Variants in RNF152 observed in about 807,000 individuals in gnomAD.
RNF152 encodes E3 ubiquitin-protein ligase RNF152.
In RNF152, 11 loss-of-function variants were observed where a neutral mutation model predicts 12.7. That is an observed-to-expected ratio of 0.86 (90% confidence interval 0.54 to 1.43). The LOEUF (loss-of-function observed/expected upper bound fraction) is 1.43, where lower values mean the gene tolerates loss of function less well. RNF152 is among the 40% of genes most tolerant of loss of function. RNF152 has a pLI of 0.00. For missense variants in RNF152, 255 were observed against 274.8 expected (o/e 0.93, Z 0.51); for synonymous variants, 113 against 120.3 (o/e 0.94, Z 0.40).
chr18:61,813,400 G>T lies in RNF152; in HGVS notation c.*2452C>A, dbSNP rs1908913471. 1 of 151,462 alleles carries T rather than the reference G, an allele frequency of 6.6e-6. No individual in the cohort carries two copies. The highest frequency in any genetic ancestry group is 1.5e-5 in the Non-Finnish European group (1 of 67,946). 9.4% of individuals were successfully genotyped at this position (151,462 alleles called of 1,614,324 possible). A position where few individuals can be genotyped will look rare whatever the true frequency, so the allele number is the denominator to read the frequency against. The stretch of plus-strand genomic sequence containing the variant: ...TAAACAATTTAAACAATGTTTCTTA[G>T]GTCAGTAAGACTCACAAAAAAAATC... On this transcript the variant is annotated 3_prime_UTR_variant, in exon 2 of 2. Transcript: ENST00000312828.
intron 1 of RNF152, among the ~76,000 whole-genome samples, chr18:61,820,328 CACCAAAAAAA>C (rs1426335997): frequency 0.041 from 1,153 of 28,070 alleles, 54 homozygotes; most frequent in African/African-American, 0.19. Flanking sequence ...GACTCCGTCT[CACCAAAAAAA>C]AAAAAAAAAA....
intron 1 of RNF152, among the ~76,000 whole-genome samples, chr18:61,835,516 C>A (rs1196873944): frequency 6.6e-6 from 1 of 152,090 alleles, no homozygotes; most frequent in East Asian, 1.9e-4. Context: ...CAGGTGGGAA[C>A]AGAGAGGAAA....
intron 1 of RNF152, among the ~76,000 whole-genome samples, chr18:61,850,324 C>T (rs1910913704): frequency 6.6e-6 from 1 of 152,246 alleles, no homozygotes; most frequent in African/African-American, 2.4e-5. Flanking sequence ...CACAGAATAA[C>T]TCCTTGAATG....
intron 1 of RNF152, chr18:61,875,209 T>C (rs1307768118): frequency 6.6e-6 from 1 of 152,206 alleles, no homozygotes; most frequent in Non-Finnish European, 1.5e-5. Context: ...GCTAATGAGT[T>C]AACCAATTTG....
At position 61,869,881 on chromosome 18, in the gene RNF152, T is replaced by C. The variant is rs1384551793; in HGVS notation, c.-136+22914A>G. 2.0e-5 allele frequency among the ~76,000 whole-genome samples: 3 copies of C among 152,004 alleles called. No homozygotes were observed. The East Asian group carries it at 5.8e-4, about 29-fold the overall frequency. On this transcript the variant is annotated intron_variant, in intron 1 of 1. Coordinates refer to ENST00000312828, the MANE Select transcript of RNF152 (RefSeq NM_173557.3). ...GGCACAACAATGATGTAAACAAAAATGAGAAAGTTTATAAGCAGATGTACT... is the reference window on the plus strand; with the variant it reads ...GGCACAACAATGATGTAAACAAAAACGAGAAAGTTTATAAGCAGATGTACT...
chr18:61,853,056 T>C (rs1335863565), intron 1 of RNF152, among the ~76,000 whole-genome samples: 1 of 152,218 alleles, frequency 6.6e-6, no homozygotes. Context: ...TGAAATTGTA[T>C]AAATATGTAA....
intron 1 of RNF152, among the ~76,000 whole-genome samples, chr18:61,850,111 C>T (rs145356443): frequency 3.2e-4 from 48 of 152,296 alleles, no homozygotes; most frequent in African/African-American, 1.0e-3. Flanking sequence ...GGCAATAATA[C>T]GGTAGTGTTG....
intron 1 of RNF152, among the ~76,000 whole-genome samples, chr18:61,818,140 C>A (rs1372440464): frequency 1.3e-5 from 2 of 152,110 alleles, no homozygotes; most frequent in African/African-American, 2.4e-5. Flanking sequence ...AAAAACCAAC[C>A]TGGCCGGCGT....
At chr18:61,845,555 G>A (rs1156248952) in intron 1 of RNF152, among the ~76,000 whole-genome samples, 2 of 152,142 alleles carry the variant, frequency 1.3e-5, no homozygotes, top group Non-Finnish European at 2.9e-5. Flanking sequence ...CCTTAAAGCA[G>A]GTTTGGAAAG....
chr18:61,864,049 T>C (rs763420840), intron 1 of RNF152, among the ~76,000 whole-genome samples: 1 of 152,222 alleles, frequency 6.6e-6, no homozygotes, highest in East Asian at 1.9e-4. Context: ...TTTCTACCCA[T>C]AGAACATTTC....
At chr18:61,816,667 G>A in intron 1 of RNF152, 69 bp from the exon 2 acceptor site, 1 of 575,120 alleles carries the variant, frequency 1.7e-6, no homozygotes, top group Non-Finnish European at 3.0e-6. Context: ...CATATCTAAT[G>A]GATTTATACC....
At chr18:61,881,742 G>T (rs9957116) in intron 1 of RNF152, among the ~76,000 whole-genome samples, 79,566 of 151,960 alleles carry the variant, frequency 0.52, 20,897 homozygotes, top group East Asian at 0.75. Flanking sequence ...CCAAGAGAAT[G>T]TTATTTTAAG....
At chr18:61,867,144 A>G (rs1911770496) in intron 1 of RNF152, among the ~76,000 whole-genome samples, 1 of 152,178 alleles carries the variant, frequency 6.6e-6, no homozygotes, top group Non-Finnish European at 1.5e-5. Flanking sequence ...CTCAAGAGTT[A>G]CCCATGCATG....
At chr18:61,824,778 C>T (rs1370728288) in intron 1 of RNF152, among the ~76,000 whole-genome samples, 2 of 152,198 alleles carry the variant, frequency 1.3e-5, no homozygotes, top group Non-Finnish European at 2.9e-5. Flanking sequence ...CCAAGGTTAG[C>T]GCTGGCATTC....
At chr18:61,825,630 C>T (rs1199147874) in intron 1 of RNF152, among the ~76,000 whole-genome samples, 2 of 152,144 alleles carry the variant, frequency 1.3e-5, no homozygotes, top group Non-Finnish European at 2.9e-5. Context: ...GGGAAGCATG[C>T]AGTCATCACT....
At chr18:61,880,494 C>A (rs979320141) in intron 1 of RNF152, among the ~76,000 whole-genome samples, 1 of 152,152 alleles carries the variant, frequency 6.6e-6, no homozygotes, top group South Asian at 2.1e-4. Context: ...AGTCACCAGG[C>A]TTTTCCAAGT....
intron 1 of RNF152, among the ~76,000 whole-genome samples, chr18:61,828,541 C>T (rs191676770): frequency 6.8e-4 from 104 of 152,256 alleles, no homozygotes; most frequent in African/African-American, 2.5e-3. Flanking sequence ...CCTTCCATCC[C>T]AGCCTCCAGA....
intron 1 of RNF152, among the ~76,000 whole-genome samples, chr18:61,849,471 C>T (rs928572016): frequency 2.0e-5 from 3 of 152,168 alleles, no homozygotes; most frequent in African/African-American, 7.2e-5. Flanking sequence ...GTGTCATTAG[C>T]ACCTCTTTCC....
intron 1 of RNF152, among the ~76,000 whole-genome samples, chr18:61,844,761 C>T (rs1338639379): frequency 6.6e-6 from 1 of 151,734 alleles, no homozygotes; most frequent in South Asian, 2.1e-4. Flanking sequence ...CTAATGAGGG[C>T]AGTAAGATGC....
Sources: allele counts gnomAD v4.1 joint callset (sites outside exome capture counted in the v4.1 genomes callset), GRCh38; gene constraint gnomAD v4.1.1; transcripts MANE v1.5; gene names NCBI Gene and HGNC (gene_info 2026-07-23, HGNC 2026-07-21).